The following TCF4 variants were observed in gnomAD, a reference collection of about 807,000 sequenced individuals.
The protein encoded by TCF4 is transcription factor 4, also known as SL3-3 enhancer factor 2.
TCF4 carries 3 observed loss-of-function variants against 82.1 expected under a neutral mutation model. The observed-to-expected ratio is 0.04, with a 90% CI of 0.02 to 0.09. The LOEUF (loss-of-function observed/expected upper bound fraction) is 0.09, where lower values mean the gene tolerates loss of function less well. Among genes scored for constraint, TCF4 ranks in the 10% least tolerant of loss-of-function variants. The probability of loss-of-function intolerance (pLI) is 1.00; values close to 1 mark genes in which losing one functional copy is unlikely to be tolerated. For synonymous variants in TCF4, 276 were observed against 309.6 expected, an observed-to-expected ratio of 0.89 and a Z score of 1.14; for missense variants, 518 against 852.7, an observed-to-expected ratio of 0.61 and a Z score of 4.89.
intron 2 of TCF4, among the ~76,000 whole-genome samples, chr18:55,614,416 C>G (rs2097709940): frequency 6.6e-6 from 1 of 152,154 alleles, no homozygotes; most frequent in Non-Finnish European, 1.5e-5. Flanking sequence ...AGTTCTAATT[C>G]CTCCACATCC....
At chr18:55,413,306 T>G (rs757186508) in intron 5 of TCF4, among the ~76,000 whole-genome samples, 16 of 152,144 alleles carry the variant, frequency 1.1e-4, no homozygotes, top group Non-Finnish European at 1.9e-4. Flanking sequence ...ACAATTGACC[T>G]ATATCCCCTA....
At chr18:55,234,302 G>GGAAAA (rs1470054182) in intron 16 of TCF4, 1 of 606,332 alleles carries the variant, frequency 1.6e-6, no homozygotes, top group East Asian at 2.8e-5. Context: ...TCATCAGTCT[G>GGAAAA]TGGCCTCATT....
intron 8 of TCF4, among the ~76,000 whole-genome samples, chr18:55,344,917 T>C (rs1187078628): frequency 6.6e-6 from 1 of 152,132 alleles, no homozygotes; most frequent in Non-Finnish European, 1.5e-5. Context: ...ACCTTCATGC[T>C]TGTCTTTTCC....
chr18:55,399,880 T>A (rs4350651), intron 6 of TCF4, among the ~76,000 whole-genome samples: 6,736 of 63,344 alleles, frequency 0.11, 371 homozygotes, highest in Admixed American at 0.19. Context: ...TCTCTCTCTC[T>A]CACACACACA....
At chr18:55,592,446 C>T (rs554515941), upstream of TCF4, among the ~76,000 whole-genome samples, 30 of 152,278 alleles carry the variant, frequency 2.0e-4, no homozygotes, top group South Asian at 1.5e-3. Flanking sequence ...GGTCTTTCTT[C>T]CTCTTCTTAT....
chr18:55,443,161 T>G (rs972667145), intron 5 of TCF4, among the ~76,000 whole-genome samples: 1 of 152,200 alleles, frequency 6.6e-6, no homozygotes, highest in African/African-American at 2.4e-5. Flanking sequence ...TGCTTGGTTT[T>G]AAAACAGGTT....
intron 3 of TCF4, among the ~76,000 whole-genome samples, chr18:55,488,563 G>A (rs975702018): frequency 1.3e-5 from 2 of 151,592 alleles, no homozygotes; most frequent in Admixed American, 1.3e-4. Flanking sequence ...AACTTAAGCT[G>A]CAGCTCTGTC....
intron 8 of TCF4, among the ~76,000 whole-genome samples, chr18:55,342,942 C>T (rs922692976): frequency 6.6e-6 from 1 of 152,090 alleles, no homozygotes; most frequent in African/African-American, 2.4e-5. Context: ...GAATGAAAGA[C>T]ATTACAATAT....
chr18:55,510,635 T>C (rs766064064), intron 3 of TCF4: 42 of 1,513,892 alleles, frequency 2.8e-5, no homozygotes, highest in Non-Finnish European at 3.3e-5. Context: ...ATATATCTGG[T>C]GATTAAAATT....
chr18:55,418,151 T>C (rs1385121939), intron 5 of TCF4, among the ~76,000 whole-genome samples: 1 of 152,004 alleles, frequency 6.6e-6, no homozygotes, highest in Admixed American at 6.6e-5. Flanking sequence ...GAAACATGCA[T>C]GAATTTTTCC....
Position 55,401,762 on chromosome 18 carries a change from G to A in TCF4, c.369+1692C>T, listed in dbSNP as rs975069773. 9.1e-6 allele frequency: 9 copies of A among 985,786 alleles called. No homozygotes were observed. In the African/African-American group the frequency reaches 1.4e-4, roughly 15 times the overall value. The allele number at this position is 985,786 out of a possible 1,614,324, so 61.1% of individuals were successfully genotyped here. On this transcript the variant is annotated intron_variant, in intron 6 of 19. Coordinates refer to ENST00000354452, the MANE Select transcript of TCF4 (RefSeq NM_001083962.2). ...GCAGAGGAAATCTTTGTGTCTGTGA[G>A]GAATCACGCCAATTCCTATTAGTAA...
rs1178885749 is a variant in TCF4 at position 55,473,974 on chromosome 18, CT to C, written c.146-9838del. Among the ~76,000 whole-genome samples, 5 of 152,262 alleles carry C rather than the reference CT, an allele frequency of 3.3e-5. No homozygotes were observed. The East Asian group carries it at 9.6e-4, about 29-fold the overall frequency. ...GCAAACAAGCCAGATTATCTAATTC[CT>C]TGATCACAGCAGAACACGCAGTTCC... On this transcript the variant is annotated intron_variant, in intron 3 of 19. Transcript: ENST00000354452.
intron 10 of TCF4, among the ~76,000 whole-genome samples, chr18:55,271,359 T>A (rs2060324843): frequency 6.6e-6 from 1 of 152,186 alleles, no homozygotes; most frequent in Non-Finnish European, 1.5e-5. Context: ...AACTTGTGGC[T>A]AACTACTGAA....
At chr18:55,590,168 G>C (rs1019301208), upstream of TCF4, among the ~76,000 whole-genome samples, 15 of 152,198 alleles carry the variant, frequency 9.9e-5, 1 homozygote, top group Admixed American at 8.5e-4. Flanking sequence ...ATACCCCCAG[G>C]TCTCCCTGAG....
chr18:55,328,307 GAA>G (rs1241911917), intron 8 of TCF4, among the ~76,000 whole-genome samples: 1 of 151,620 alleles, frequency 6.6e-6, no homozygotes, highest in Non-Finnish European at 1.5e-5. Context: ...TATTTAAGGA[GAA>G]AAGACTTCAT....
At chr18:55,532,715 T>G (rs1246470050) in intron 3 of TCF4, among the ~76,000 whole-genome samples, 1 of 152,206 alleles carries the variant, frequency 6.6e-6, no homozygotes. Context: ...TGATATGCAC[T>G]GAGTTCTACT....
At chr18:55,559,555 G>A (rs1476605294) in intron 3 of TCF4, among the ~76,000 whole-genome samples, 1 of 151,690 alleles carries the variant, frequency 6.6e-6, no homozygotes, top group Non-Finnish European at 1.5e-5. Flanking sequence ...GTTAACATTG[G>A]CTTCTGAATA....
chr18:55,587,248 G>T (rs1177590153), intron 1 of TCF4, 112 bp from the exon 2 acceptor site: 1 of 640,264 alleles, frequency 1.6e-6, no homozygotes, highest in Non-Finnish European at 2.8e-6. Flanking sequence ...GGGGCGGGTG[G>T]GATTAAGGTG....
chr18:55,299,584 T>C (rs1284290949), intron 8 of TCF4, among the ~76,000 whole-genome samples: 1 of 152,092 alleles, frequency 6.6e-6, no homozygotes, highest in Non-Finnish European at 1.5e-5. Flanking sequence ...GTGAGTAATA[T>C]TTTGAAATGC....
Sources: allele counts gnomAD v4.1 joint callset (sites outside exome capture counted in the v4.1 genomes callset), GRCh38; gene constraint gnomAD v4.1.1; transcripts MANE v1.5; gene names NCBI Gene and HGNC (gene_info 2026-07-23, HGNC 2026-07-21).